The following GPR158 variants were observed in gnomAD, a reference collection of about 807,000 sequenced individuals.
GPR158 encodes the protein metabotropic glycine receptor.
GPR158 carries 30 observed loss-of-function variants against 78.2 expected under a neutral mutation model. That is an observed-to-expected ratio of 0.38 (90% CI 0.29 to 0.52). The LOEUF (loss-of-function observed/expected upper bound fraction) is 0.52. Among genes scored for constraint, GPR158 ranks in the 20% least tolerant of loss-of-function variants. The probability of loss-of-function intolerance (pLI) is 0.83; values close to 1 mark genes in which losing one functional copy is unlikely to be tolerated. For synonymous variants in GPR158, 581 were observed against 591.1 expected, an observed-to-expected ratio of 0.98 and a Z score of 0.25; for missense variants, 1,463 against 1,523.5, an observed-to-expected ratio of 0.96 and a Z score of 0.66.
intron 2 of GPR158, among the ~76,000 whole-genome samples, chr10:25,374,910 A>C (rs1417749027): frequency 6.6e-6 from 1 of 151,740 alleles, no homozygotes; most frequent in Non-Finnish European, 1.5e-5. Flanking sequence ...TAAATGCCTA[A>C]GAATGCAATT....
chr10:25,229,323 C>A (rs1202927961), intron 2 of GPR158, among the ~76,000 whole-genome samples: 1 of 152,050 alleles, frequency 6.6e-6, no homozygotes, highest in Non-Finnish European at 1.5e-5. Context: ...GCAAATAACC[C>A]CAAAATTGAA....
At chr10:25,189,361 A>G (rs1466262432) in intron 1 of GPR158, among the ~76,000 whole-genome samples, 1 of 152,232 alleles carries the variant, frequency 6.6e-6, no homozygotes, top group Non-Finnish European at 1.5e-5. Context: ...ACTATTCACA[A>G]TAGCAAAGAC....
chr10:25,541,835 T>A lies in GPR158; in HGVS notation c.1405-9141T>A, dbSNP rs575359992. ...ATTATCGGCTTAATTCTTCCCATGT[T>A]GTTAGGATTGTTGGCAGCATAGCAA... On this transcript the variant is annotated intron_variant, in intron 5 of 10. Transcript: ENST00000376351. Among the ~76,000 whole-genome samples, 5 of 151,324 alleles carry A rather than the reference T, an allele frequency of 3.3e-5. No homozygotes were observed. In the South Asian group the frequency reaches 1.0e-3, roughly 31 times the overall value.
intron 2 of GPR158, among the ~76,000 whole-genome samples, chr10:25,245,259 T>C (rs1297187715): frequency 2.6e-5 from 4 of 152,202 alleles, no homozygotes; most frequent in Non-Finnish European, 5.9e-5. Flanking sequence ...TGTTCTTCTA[T>C]GGAGAAGAGG....
intron 7 of GPR158, among the ~76,000 whole-genome samples, chr10:25,581,653 G>C (rs1588922758): frequency 1.3e-5 from 2 of 152,316 alleles, no homozygotes; most frequent in African/African-American, 4.8e-5. Context: ...CTTCGTGGTA[G>C]CCTGCCAGCT....
chr10:25,598,920 G>T lies in GPR158; in HGVS notation c.3294G>T (p.Arg1098Ser). The change falls in exon 11 of 11, where the codon AGG (arginine) becomes AGT (serine). Residue 1098 changes from arginine to serine, a missense_variant. Physicochemically the swap from Arg to Ser is moderately radical, Grantham distance 110. Coordinates refer to ENST00000376351, the MANE Select transcript of GPR158 (RefSeq NM_020752.3). ...CCAAGACTCCAGTTCTCCCAGAGAG[G>T]GCAAAAGAGGAGAACGGAGGTCAGC... Reference protein sequence around the residue: ...LISKTPVLPERAKEENGGQPR... With the variant: ...LISKTPVLPESAKEENGGQPR... 1.2e-6 allele frequency: 2 copies of T among 1,614,006 alleles called. No homozygotes were observed. Among genetic ancestry groups the T allele is most frequent in the Non-Finnish European group, 1.7e-6 (2 of 1,180,002 alleles).
At chr10:25,260,125 A>T (rs1853947366) in intron 2 of GPR158, among the ~76,000 whole-genome samples, 1 of 152,156 alleles carries the variant, frequency 6.6e-6, no homozygotes, top group Non-Finnish European at 1.5e-5. Flanking sequence ...TTAAAGAACG[A>T]GGTAACTGTT....
chr10:25,292,985 C>G (rs1854461693), intron 2 of GPR158, among the ~76,000 whole-genome samples: 1 of 152,076 alleles, frequency 6.6e-6, no homozygotes, highest in African/African-American at 2.4e-5. Context: ...TTTTTCCCAC[C>G]ATGAAATAAA....
At chr10:25,422,541 C>T (rs1421500328) in intron 4 of GPR158, among the ~76,000 whole-genome samples, 2 of 151,444 alleles carry the variant, frequency 1.3e-5, no homozygotes, top group African/African-American at 4.9e-5. Flanking sequence ...TGGTTGGAAA[C>T]TGCTGCTTTA....
chr10:25,492,346 A>G (rs1835821790), intron 5 of GPR158, among the ~76,000 whole-genome samples: 1 of 152,154 alleles, frequency 6.6e-6, no homozygotes, highest in Admixed American at 6.6e-5. Flanking sequence ...CATGAGAAAC[A>G]ATCCCTTGCT....
At chr10:25,539,349 A>G (rs1836543425) in intron 5 of GPR158, among the ~76,000 whole-genome samples, 1 of 152,056 alleles carries the variant, frequency 6.6e-6, no homozygotes, top group African/African-American at 2.4e-5. Context: ...TTTCCTTGTT[A>G]TGTGTGGGGG....
At chr10:25,492,711 A>G (rs903570935) in intron 5 of GPR158, among the ~76,000 whole-genome samples, 1 of 152,152 alleles carries the variant, frequency 6.6e-6, no homozygotes, top group Admixed American at 6.6e-5. Context: ...GAATAAACCA[A>G]GACAATTTGC....
chr10:25,338,613 A>G (rs1470770379), intron 2 of GPR158, among the ~76,000 whole-genome samples: 1 of 146,818 alleles, frequency 6.8e-6, no homozygotes, highest in African/African-American at 2.5e-5. Context: ...TATATAAAAA[A>G]TCATATAAAT....
At chr10:25,193,583 TGTG>T (rs1852804500) in intron 1 of GPR158, among the ~76,000 whole-genome samples, 1 of 152,222 alleles carries the variant, frequency 6.6e-6, no homozygotes, top group Admixed American at 6.5e-5. Flanking sequence ...GTTAAAATGT[TGTG>T]GTAACATAGA....
At chr10:25,374,185 G>A (rs1269238384) in intron 2 of GPR158, among the ~76,000 whole-genome samples, 1 of 151,250 alleles carries the variant, frequency 6.6e-6, no homozygotes, top group Non-Finnish European at 1.5e-5. Context: ...AGATTTATTT[G>A]CTTTAAATCC....
intron 8 of GPR158, among the ~76,000 whole-genome samples, chr10:25,592,962 T>C (rs1173462706): frequency 6.6e-6 from 1 of 151,640 alleles, no homozygotes; most frequent in African/African-American, 2.4e-5. Flanking sequence ...AAGTCTGTTT[T>C]CACAATCTTT....
At chr10:25,442,506 T>C (rs1260645660) in intron 4 of GPR158, among the ~76,000 whole-genome samples, 1 of 152,060 alleles carries the variant, frequency 6.6e-6, no homozygotes. Flanking sequence ...ATTTTCTCTC[T>C]CTCCAGACCT....
intron 5 of GPR158, among the ~76,000 whole-genome samples, chr10:25,543,185 A>G (rs1836612595): frequency 1.3e-5 from 2 of 152,054 alleles, no homozygotes; most frequent in Non-Finnish European, 2.9e-5. Context: ...CAGTGGCGCA[A>G]TCTCTGCTCA....
intron 7 of GPR158, among the ~76,000 whole-genome samples, chr10:25,576,403 T>A (rs1837096961): frequency 6.6e-6 from 1 of 152,212 alleles, no homozygotes; most frequent in South Asian, 2.1e-4. Flanking sequence ...TAGACTGTTT[T>A]CATTGTACTT....
Sources: allele counts gnomAD v4.1 joint callset (sites outside exome capture counted in the v4.1 genomes callset), GRCh38; gene constraint gnomAD v4.1.1; transcripts MANE v1.5; gene names NCBI Gene and HGNC (gene_info 2026-07-23, HGNC 2026-07-21).